The following EVC variants were observed in gnomAD, a reference collection of about 807,000 sequenced individuals.
EVC encodes evC complex member EVC.
In EVC, 116 loss-of-function variants were observed where a neutral mutation model predicts 118.9. That is an observed-to-expected ratio of 0.98 (90% CI 0.84 to 1.14). The LOEUF (loss-of-function observed/expected upper bound fraction) is 1.14. Among genes scored for constraint, EVC ranks in the 50% most tolerant of loss-of-function variants. The pLI, the probability that EVC is intolerant of heterozygous loss-of-function variation, is 0.00. For synonymous variants in EVC, 619 were observed against 534.7 expected (o/e 1.16, Z -2.18); for missense variants, 1,401 against 1,246.4 (o/e 1.12, Z -1.87).
At chr4:5,779,124 C>T (rs1309699056) in intron 11 of EVC, among the ~76,000 whole-genome samples, 1 of 151,842 alleles carries the variant, frequency 6.6e-6, no homozygotes, top group Non-Finnish European at 1.5e-5. Flanking sequence ...TTGTTTTTCT[C>T]AGGTTTGTCA....
intron 1 of EVC, among the ~76,000 whole-genome samples, chr4:5,714,798 T>G (rs1358651045): frequency 6.6e-6 from 1 of 152,078 alleles, no homozygotes; most frequent in Non-Finnish European, 1.5e-5. Context: ...CTTTTTTTGT[T>G]TTTTGTTTGT....
intron 11 of EVC, among the ~76,000 whole-genome samples, chr4:5,772,148 G>A (rs988531411): frequency 2.0e-5 from 3 of 152,060 alleles, no homozygotes; most frequent in South Asian, 2.1e-4. Context: ...CGCCCGCCTC[G>A]GCATCCCACA....
Position 5,731,215 on chromosome 4 carries a change from G to A in EVC, c.385-210G>A, listed in dbSNP as rs971917110. Among the ~76,000 whole-genome samples the A allele has an allele frequency of 2.0e-5, 3 of 152,018 alleles. No homozygotes were observed. Among genetic ancestry groups the A allele is most frequent in the African/African-American group, 7.2e-5 (3 of 41,392 alleles). ...TGGTGCAGAGGGGCTGGCCTTGTGAGGACAAGTGAACTGTGATTCGGGCCT... is the reference window on the plus strand; with the variant it reads ...TGGTGCAGAGGGGCTGGCCTTGTGAAGACAAGTGAACTGTGATTCGGGCCT... On this transcript the variant is annotated intron_variant, in intron 3 of 20. Transcript: ENST00000264956. The surrounding 1 kb of genome is among the most constrained non-coding windows in gnomAD (Gnocchi z 5.6).
At chr4:5,785,247 G>A (rs894113121) in intron 12 of EVC, among the ~76,000 whole-genome samples, 3 of 152,202 alleles carry the variant, frequency 2.0e-5, no homozygotes, top group Non-Finnish European at 2.9e-5. Context: ...GGCAGCCTGC[G>A]TGAGCCTGGT....
At chr4:5,711,629 C>A in intron 1 of EVC, 75 bp downstream of exon 1, 1 of 1,082,896 alleles carries the variant, frequency 9.2e-7, no homozygotes, top group Non-Finnish European at 1.1e-6. Context: ...GGGCCCGGAG[C>A]CCCGGCTCTG....
At chr4:5,815,264 A>C (rs538297990), downstream of EVC, among the ~76,000 whole-genome samples, 1 of 152,298 alleles carries the variant, frequency 6.6e-6, no homozygotes, top group South Asian at 2.1e-4. Context: ...TGAGCTTTAC[A>C]GTGAATCAGC....
intron 11 of EVC, among the ~76,000 whole-genome samples, chr4:5,770,432 G>A (rs1166023593): frequency 6.6e-6 from 1 of 152,170 alleles, no homozygotes; most frequent in Admixed American, 6.5e-5. Context: ...CCAAGGACAG[G>A]CCAGACCCCT....
chr4:5,807,135 A>C (rs1043495317), intron 17 of EVC, among the ~76,000 whole-genome samples: 2 of 152,202 alleles, frequency 1.3e-5, no homozygotes, highest in African/African-American at 4.8e-5. Context: ...CTGCCACTCA[A>C]ACTAGAGCTC....
At chr4:5,825,535 G>A in the EVC span, 2 of 1,589,262 alleles carry the variant, frequency 1.3e-6, no homozygotes, top group Non-Finnish European at 8.5e-7. The surrounding 1 kb of genome is among the most constrained non-coding windows in gnomAD (Gnocchi z 4.4). Context: ...TCTGATGGGT[G>A]GGGGCTGGTG....
At chr4:5,777,769 G>C (rs1307145067) in intron 11 of EVC, among the ~76,000 whole-genome samples, 3 of 152,120 alleles carry the variant, frequency 2.0e-5, no homozygotes, top group Admixed American at 6.5e-5. Context: ...ACCAAAGTCA[G>C]GGTTGGCGAT....
chr4:5,759,238 C>T (rs901671093), intron 11 of EVC, among the ~76,000 whole-genome samples: 1 of 149,162 alleles, frequency 6.7e-6, no homozygotes, highest in East Asian at 2.0e-4. Flanking sequence ...GTGCACCTGC[C>T]GACTGCAGGA....
chr4:5,827,605 C>T, the EVC span, among the ~76,000 whole-genome samples: 435 of 152,022 alleles, frequency 2.9e-3, 3 homozygotes, highest in Non-Finnish European at 4.4e-3. Flanking sequence ...ACCACATGCT[C>T]GCATACACAC....
At chr4:5,796,919 C>A (rs1714064427) in intron 13 of EVC, 103 bp from the exon 14 acceptor site, 2 of 903,054 alleles carry the variant, frequency 2.2e-6, no homozygotes, top group East Asian at 2.4e-5. Context: ...AACCTGCTTC[C>A]TTTTGGAGGG....
chr4:5,723,171 A>C (rs35289286), intron 2 of EVC, among the ~76,000 whole-genome samples: 114,775 of 151,220 alleles, frequency 0.76, 43,814 homozygotes, highest in Middle Eastern at 0.83. Flanking sequence ...GGGTGGACCC[A>C]GCACCAACAT....
Position 5,804,859 on chromosome 4 carries a change from G to T in EVC, c.2561+18G>T. 6.3e-7 allele frequency: 1 copy of T among 1,596,228 alleles called. No homozygotes were observed. The highest frequency in any genetic ancestry group is 8.6e-7 in the Non-Finnish European group (1 of 1,164,232). ...CACCAGAGGTGAGGTCCCAACTGAG[G>T]TCCCACGTAGGGCTGTTCTCTACCC... On this transcript the variant is annotated intron_variant, in intron 17 of 20. Transcript: ENST00000264956.
chr4:5,752,183 G>A (rs541993987), intron 8 of EVC, among the ~76,000 whole-genome samples: 4 of 152,174 alleles, frequency 2.6e-5, no homozygotes, highest in South Asian at 4.1e-4. Flanking sequence ...AACGTCCGCC[G>A]TCCGCTCCTC....
rs574741333 is a variant in EVC, at chr4:5,769,621, G to A, written c.1563+13259G>A. Reference sequence around the variant, plus strand: ...CATCCCAATAACAGCGGGGCTCTGGGTGGAGTTTGCTGTCATCCCATTCCA... The same window carrying A: ...CATCCCAATAACAGCGGGGCTCTGGATGGAGTTTGCTGTCATCCCATTCCA... On this transcript the variant is annotated intron_variant, in intron 11 of 20. Transcript: ENST00000264956. 3.9e-5 allele frequency among the ~76,000 whole-genome samples: 6 copies of A among 152,234 alleles called. No homozygotes were observed. In the South Asian group the frequency reaches 1.2e-3, roughly 32 times the overall value.
At chr4:5,726,708 C>G (rs1428921512) in intron 2 of EVC, among the ~76,000 whole-genome samples, 1 of 145,260 alleles carries the variant, frequency 6.9e-6, no homozygotes, top group Non-Finnish European at 1.5e-5. Flanking sequence ...TCTCCCGATG[C>G]TATCCCTCCC....
Position 5,748,127 on chromosome 4 carries a change from C to G in EVC, c.940-21C>G, listed in dbSNP as rs761104496. Reference sequence around the variant, plus strand: ...AGTAAGTTTTTCACCTCACTTCTTGCTGCTTGTGCTCATTTCACAGATGGA... The same window carrying G: ...AGTAAGTTTTTCACCTCACTTCTTGGTGCTTGTGCTCATTTCACAGATGGA... On this transcript the variant is annotated intron_variant, in intron 7 of 20. Coordinates refer to ENST00000264956, the MANE Select transcript of EVC (RefSeq NM_153717.3). The G allele has an allele frequency of 9.9e-6, 16 of 1,613,996 alleles. No homozygotes were observed. In the African/African-American group the frequency reaches 1.9e-4, roughly 19 times the overall value.
Sources: gnomAD v4.1 joint callset for allele counts (sites outside exome capture counted in the v4.1 genomes callset) on GRCh38, gnomAD v4.1.1 for gene constraint, Gnocchi (gnomAD v3.1) non-coding constraint, MANE v1.5 for transcripts, NCBI Gene and HGNC (gene_info 2026-07-23, HGNC 2026-07-21) for gene names.